The following NBEA variants were observed in gnomAD, a reference collection of about 807,000 sequenced individuals.
The protein encoded by NBEA is lysosomal-trafficking regulator 2.
A neutral mutation model predicts 343.4 loss-of-function variants in NBEA; 44 were observed. The ratio of observed to expected loss-of-function variants is 0.13; its 90% CI spans 0.10 to 0.16. The LOEUF is 0.16. Ranked by LOEUF, NBEA falls within the 10% of genes least tolerant of loss-of-function variation. NBEA has a pLI of 1.00. For synonymous variants in NBEA, 1,175 were observed against 1,238.7 expected (o/e 0.95, Z 1.08); for missense variants, 2,555 against 3,631.3 (o/e 0.70, Z 7.62).
intron 38 of NBEA, among the ~76,000 whole-genome samples, chr13:35,367,996 T>C (rs972962643): frequency 6.6e-6 from 1 of 151,518 alleles, no homozygotes; most frequent in African/African-American, 2.4e-5. Context: ...AATTTTCACC[T>C]TTCATTAAAT....
chr13:35,247,902 A>T (rs1221466005), intron 34 of NBEA, among the ~76,000 whole-genome samples: 1 of 152,208 alleles, frequency 6.6e-6, no homozygotes, highest in East Asian at 1.9e-4. Context: ...AGATTCAAAT[A>T]AAGTAAAAAA....
chr13:35,036,993 C>T (rs1339796059), intron 1 of NBEA, among the ~76,000 whole-genome samples: 1 of 152,102 alleles, frequency 6.6e-6, no homozygotes, highest in African/African-American at 2.4e-5. Context: ...ACTTTCTACA[C>T]CTATCTGTTT....
At chr13:35,313,280 C>T (rs1017263428) in intron 36 of NBEA, among the ~76,000 whole-genome samples, 1 of 152,138 alleles carries the variant, frequency 6.6e-6, no homozygotes, top group Non-Finnish European at 1.5e-5. Context: ...AAATGATCTG[C>T]TCTGTTTGCT....
At chr13:35,328,807 G>A (rs2038746859) in intron 36 of NBEA, among the ~76,000 whole-genome samples, 1 of 150,252 alleles carries the variant, frequency 6.7e-6, no homozygotes, top group Non-Finnish European at 1.5e-5. Context: ...TTAGCCAGCT[G>A]ATTTAAAATT....
chr13:35,253,075 A>T, intron 34 of NBEA, among the ~76,000 whole-genome samples: 1 of 152,168 alleles, frequency 6.6e-6, no homozygotes, highest in East Asian at 1.9e-4. Flanking sequence ...GCTCTTCTCA[A>T]AGGCTCTGTG....
intron 38 of NBEA, among the ~76,000 whole-genome samples, chr13:35,354,613 C>A (rs1161058668): frequency 4.6e-5 from 7 of 151,898 alleles, no homozygotes; most frequent in African/African-American, 7.3e-5. Context: ...GAAAAAAAAA[C>A]CACAATATTT....
At chr13:35,227,196 C>G (rs2074704491) in intron 33 of NBEA, among the ~76,000 whole-genome samples, 1 of 151,590 alleles carries the variant, frequency 6.6e-6, no homozygotes, top group Admixed American at 6.6e-5. Context: ...AAAGCTGTAA[C>G]TTAATAAAAT....
At chr13:35,660,267 GC>G (rs1401266748) in intron 55 of NBEA, among the ~76,000 whole-genome samples, 1 of 152,164 alleles carries the variant, frequency 6.6e-6, no homozygotes, top group Non-Finnish European at 1.5e-5. Flanking sequence ...AAGCCAATCT[GC>G]TTTTAAAGAA....
intron 1 of NBEA, among the ~76,000 whole-genome samples, chr13:35,029,062 G>A (rs1566182940): frequency 6.6e-6 from 1 of 151,304 alleles, no homozygotes; most frequent in Non-Finnish European, 1.5e-5. Flanking sequence ...TTTTGTTTCT[G>A]CTTATTCATA....
At chr13:35,558,717 T>C (rs770333328) in intron 44 of NBEA, among the ~76,000 whole-genome samples, 3 of 152,198 alleles carry the variant, frequency 2.0e-5, no homozygotes, top group Admixed American at 2.0e-4. Flanking sequence ...GCAAGCCCTC[T>C]AGTTGGTTCT....
intron 38 of NBEA, among the ~76,000 whole-genome samples, chr13:35,383,924 G>T (rs1040501033): frequency 6.6e-6 from 1 of 151,964 alleles, no homozygotes; most frequent in African/African-American, 2.4e-5. Flanking sequence ...TTTCTTCTAT[G>T]TTTGGCATAG....
chr13:35,372,868 G>A (rs897722504), intron 38 of NBEA, among the ~76,000 whole-genome samples: 3 of 152,142 alleles, frequency 2.0e-5, no homozygotes, highest in Admixed American at 6.5e-5. Context: ...TGGGCCACAG[G>A]GCAGGATGTA....
chr13:34,959,477 C>G (rs1376073376), intron 1 of NBEA, among the ~76,000 whole-genome samples: 1 of 151,918 alleles, frequency 6.6e-6, no homozygotes, highest in Non-Finnish European at 1.5e-5. Context: ...GTTCAAGATT[C>G]CTGGAATGGT....
At chr13:35,280,289 A>G (rs2034964454) in intron 34 of NBEA, among the ~76,000 whole-genome samples, 1 of 152,142 alleles carries the variant, frequency 6.6e-6, no homozygotes, top group South Asian at 2.1e-4. Flanking sequence ...TTGTTTTGTT[A>G]TAGAGAATAT....
At chr13:35,420,547 C>A (rs2044208761) in intron 38 of NBEA, among the ~76,000 whole-genome samples, 2 of 151,858 alleles carry the variant, frequency 1.3e-5, no homozygotes, top group Non-Finnish European at 2.9e-5. Flanking sequence ...AGAAATATTT[C>A]TTCCTATTCT....
At chr13:35,071,378 C>G (rs1482787608) in intron 10 of NBEA, among the ~76,000 whole-genome samples, 1 of 151,798 alleles carries the variant, frequency 6.6e-6, no homozygotes, top group African/African-American at 2.4e-5. Context: ...CTCAATCTAA[C>G]CAGGCAAATC....
intron 40 of NBEA, among the ~76,000 whole-genome samples, chr13:35,467,150 T>C (rs2075417762): frequency 6.6e-6 from 1 of 152,160 alleles, no homozygotes; most frequent in African/African-American, 2.4e-5. Flanking sequence ...GAGAATGTTT[T>C]AGGGAAACTG....
intron 28 of NBEA, among the ~76,000 whole-genome samples, chr13:35,180,346 T>C (rs1297386675): frequency 2.0e-5 from 3 of 151,746 alleles, no homozygotes; most frequent in Non-Finnish European, 3.0e-5. Flanking sequence ...ATATTAGAGG[T>C]CATATAATTT....
rs113771737 is a variant in NBEA, at chr13:34,947,628, T to G, written c.294+4514T>G. Among the ~76,000 whole-genome samples, 1,343 of 152,310 alleles carry G rather than the reference T, an allele frequency of 8.8e-3. 20 individuals carry two copies. The highest frequency in any genetic ancestry group is 0.031 in the African/African-American group (1,268 of 41,570). ...TAGCATTGCAGTTATTTATGTGTGT[T>G]TCCCTTCCTAGGCTGTGAACTCCAT... On this transcript the variant is annotated intron_variant, in intron 1 of 58. Coordinates refer to ENST00000379939, the MANE Select transcript of NBEA (RefSeq NM_001385012.1).
Sources: allele counts gnomAD v4.1 joint callset (sites outside exome capture counted in the v4.1 genomes callset), GRCh38; gene constraint gnomAD v4.1.1; transcripts MANE v1.5; gene names NCBI Gene and HGNC (gene_info 2026-07-23, HGNC 2026-07-21).